Variants in UBE2K observed in about 807,000 individuals in gnomAD.
UBE2K encodes the protein ubiquitin conjugating enzyme E2 K, also known as ubiquitin-conjugating enzyme E2 K.
Under a neutral mutation model 30.0 loss-of-function variants are expected in UBE2K, and 6 were observed. That is an observed-to-expected ratio of 0.20 (90% CI 0.11 to 0.39). The LOEUF is 0.39. UBE2K is among the 10% of genes least tolerant of loss of function. The pLI is 1.00. For missense variants in UBE2K, 61 were observed against 241.6 expected (o/e 0.25, Z 4.96); for synonymous variants, 86 against 83.7 (o/e 1.03, Z -0.15).
At chr4:39,723,661 C>T (rs1355016666) in intron 1 of UBE2K, among the ~76,000 whole-genome samples, 3 of 152,124 alleles carry the variant, frequency 2.0e-5, no homozygotes, top group African/African-American at 4.8e-5. Flanking sequence ...AGCCACTGCA[C>T]GTGGCCTGTC....
intron 1 of UBE2K, among the ~76,000 whole-genome samples, chr4:39,727,000 A>C (rs1270130686): frequency 6.6e-6 from 1 of 152,250 alleles, no homozygotes; most frequent in East Asian, 1.9e-4. Context: ...TTAACATACA[A>C]GGACATTTTT....
chr4:39,764,022 G>A (rs746898919), intron 4 of UBE2K, among the ~76,000 whole-genome samples: 2 of 152,174 alleles, frequency 1.3e-5, no homozygotes, highest in Admixed American at 6.5e-5. Context: ...GTGAGCCATC[G>A]TGCCTGACCT....
intron 1 of UBE2K, among the ~76,000 whole-genome samples, chr4:39,711,457 C>T (rs1718675685): frequency 1.3e-5 from 2 of 151,698 alleles, no homozygotes; most frequent in South Asian, 2.1e-4. Flanking sequence ...CCACCGCGCC[C>T]GGCAGCATTA....
At chr4:39,723,069 A>G (rs1330698207) in intron 1 of UBE2K, among the ~76,000 whole-genome samples, 1 of 150,264 alleles carries the variant, frequency 6.7e-6, no homozygotes, top group Admixed American at 6.6e-5. Context: ...TTTTTGAGAC[A>G]GTGTCTCACT....
At chr4:39,727,216 C>CA in intron 1 of UBE2K, among the ~76,000 whole-genome samples, 1 of 152,278 alleles carries the variant, frequency 6.6e-6, no homozygotes, top group Middle Eastern at 3.4e-3. Context: ...TGTTATATCA[C>CA]ATACAGAGGA....
intron 1 of UBE2K, among the ~76,000 whole-genome samples, chr4:39,737,192 G>A (rs1345749914): frequency 1.3e-5 from 2 of 152,066 alleles, no homozygotes; most frequent in African/African-American, 2.4e-5. Flanking sequence ...CCATTGTATT[G>A]TTGTTCATAG....
At chr4:39,702,227 T>TC (rs1718061233) in intron 1 of UBE2K, among the ~76,000 whole-genome samples, 1 of 46,958 alleles carries the variant, frequency 2.1e-5, no homozygotes, top group African/African-American at 1.3e-4. Flanking sequence ...TTTTCTTTTC[T>TC]TTTCTTTTTT....
chr4:39,763,724 T>C (rs1224023713), intron 4 of UBE2K, among the ~76,000 whole-genome samples: 2 of 152,202 alleles, frequency 1.3e-5, no homozygotes, highest in Non-Finnish European at 2.9e-5. Flanking sequence ...ATCCAAACTA[T>C]ATCAATAGGT....
intron 3 of UBE2K, among the ~76,000 whole-genome samples, chr4:39,748,410 C>T (rs143508670): frequency 1.2e-3 from 186 of 152,050 alleles, no homozygotes; most frequent in Admixed American, 3.2e-3. Flanking sequence ...TTTATTAAAG[C>T]GAGAAAAATA....
chr4:39,757,430 T>C (rs1483303810), intron 4 of UBE2K, among the ~76,000 whole-genome samples: 1 of 151,470 alleles, frequency 6.6e-6, no homozygotes, highest in Non-Finnish European at 1.5e-5. Context: ...GTTTACTTAG[T>C]AACTGGATGA....
chr4:39,744,882 G>C (rs1720902242), intron 2 of UBE2K, among the ~76,000 whole-genome samples: 1 of 149,586 alleles, frequency 6.7e-6, no homozygotes, highest in Non-Finnish European at 1.5e-5. Flanking sequence ...ACTCCGGCCT[G>C]GGCAACAGAG....
chr4:39,700,730 T>A (rs1578407534), intron 1 of UBE2K, among the ~76,000 whole-genome samples: 1 of 152,312 alleles, frequency 6.6e-6, no homozygotes, highest in Middle Eastern at 3.4e-3. Flanking sequence ...CATGTGTTTG[T>A]ATGCTTGTGT....
chr4:39,737,958 C>A (rs919120419), intron 2 of UBE2K, among the ~76,000 whole-genome samples: 25 of 152,050 alleles, frequency 1.6e-4, no homozygotes, highest in Non-Finnish European at 3.2e-4. Context: ...AGGCTGTAGT[C>A]CAAATGTTTA....
intron 5 of UBE2K, 58 bp downstream of exon 5, chr4:39,774,991 C>A: frequency 8.4e-7 from 1 of 1,188,126 alleles, no homozygotes; most frequent in Non-Finnish European, 1.2e-6. Context: ...CTAGCCACTT[C>A]AGTGGTTTGC....
intron 1 of UBE2K, among the ~76,000 whole-genome samples, chr4:39,712,843 T>C (rs933107934): frequency 6.6e-6 from 1 of 151,998 alleles, no homozygotes; most frequent in Admixed American, 6.6e-5. Flanking sequence ...CATTAGGCTT[T>C]TGTAAATTTA....
intron 1 of UBE2K, among the ~76,000 whole-genome samples, chr4:39,704,453 G>A (rs1718214321): frequency 6.6e-6 from 1 of 151,996 alleles, no homozygotes; most frequent in Non-Finnish European, 1.5e-5. Context: ...TGTTTGGGGT[G>A]AATTCCTTGT....
chr4:39,755,208 C>G (rs1287957973), intron 3 of UBE2K, among the ~76,000 whole-genome samples: 1 of 152,188 alleles, frequency 6.6e-6, no homozygotes, highest in Non-Finnish European at 1.5e-5. Flanking sequence ...AAGAGAAGCA[C>G]AGCCACTTAC....
chr4:39,716,630 G>C (rs970758980), intron 1 of UBE2K, among the ~76,000 whole-genome samples: 9 of 152,198 alleles, frequency 5.9e-5, no homozygotes, highest in Non-Finnish European at 8.8e-5. Flanking sequence ...GACGGCTGAA[G>C]CAGGAGGATT....
chr4:39,773,782 G>A (rs1224742076), intron 4 of UBE2K, among the ~76,000 whole-genome samples: 1 of 151,570 alleles, frequency 6.6e-6, no homozygotes, highest in South Asian at 2.1e-4. Context: ...TTAGCCGGGC[G>A]TGGTGGCGGG....
Sources: gnomAD v4.1 joint callset for allele counts (sites outside exome capture counted in the v4.1 genomes callset) on GRCh38, gnomAD v4.1.1 for gene constraint, MANE v1.5 for transcripts, NCBI Gene and HGNC (gene_info 2026-07-23, HGNC 2026-07-21) for gene names.